Variants in SETX observed in about 807,000 individuals in gnomAD.
SETX encodes the protein senataxin.
SETX carries 90 observed loss-of-function variants against 227.2 expected under a neutral mutation model. The observed-to-expected ratio is 0.40, with a 90% confidence interval of 0.33 to 0.47. SETX has a LOEUF of 0.47. Among genes scored for constraint, SETX ranks in the 20% least tolerant of loss-of-function variants. The pLI is 0.91. For synonymous variants in SETX, 1,210 were observed against 1,113.2 expected (o/e 1.09, Z -1.73); for missense variants, 3,052 against 3,181.5 (o/e 0.96, Z 0.98).
rs755313211 is a variant in SETX, at chr9:132,264,816, G to A, written c.7457C>T (p.Pro2486Leu). 2 of 1,614,168 alleles carry A rather than the reference G, an allele frequency of 1.2e-6. No individual in the cohort carries two copies. Among genetic ancestry groups the A allele is most frequent in the South Asian group, 2.2e-5 (2 of 91,084 alleles). ...CTTGCTGCTGGGCAAACCACCCTGG[G>A]GTCTGGACCCCTCTGGGGCTATGGT... is the stretch of plus-strand genomic sequence containing the variant. The part of the protein sequence containing the change: ...PPTIAPEGSR[P>L]QGGLPSSKLD... The change falls in exon 26 of 26, where the codon CCC becomes CTC. Residue 2486 changes from proline (P) to leucine (L), a missense_variant. Physicochemically the swap from Pro to Leu is moderately conservative, Grantham distance 98 (BLOSUM62 -3). This residue lies in a region of SETX where 294 missense variants were observed against 278.8 expected (regional missense o/e 1.05). Transcript: ENST00000224140.
upstream of SETX, among the ~76,000 whole-genome samples, chr9:132,355,685 A>T (rs902606883): frequency 1.3e-5 from 2 of 152,022 alleles, no homozygotes; most frequent in African/African-American, 2.4e-5. Context: ...TACAAAAAAA[A>T]ATTAAAACTC....
At chr9:132,351,787 T>C (rs1848617684) in intron 2 of SETX, among the ~76,000 whole-genome samples, 1 of 152,242 alleles carries the variant, frequency 6.6e-6, no homozygotes, top group African/African-American at 2.4e-5. Context: ...TCAGTTCTTC[T>C]TGAGGTCTAT....
At chr9:132,319,931 G>T (rs1846216449) in intron 10 of SETX, among the ~76,000 whole-genome samples, 1 of 152,104 alleles carries the variant, frequency 6.6e-6, no homozygotes, top group Non-Finnish European at 1.5e-5. Flanking sequence ...CCTCTACACA[G>T]GAGAGGCAAC....
At chr9:132,344,323 C>T (rs969427433) in intron 4 of SETX, among the ~76,000 whole-genome samples, 4 of 152,150 alleles carry the variant, frequency 2.6e-5, no homozygotes, top group Non-Finnish European at 4.4e-5. Flanking sequence ...GAATGATCCT[C>T]CCACCTCAGC....
Position 132,331,415 on chromosome 9 carries a change from T to C in SETX, c.872A>G (p.His291Arg). ...GCGATCCAGAATCACCATAAAACAGTGTAACGCTGGCCAGAAAGGATCCAC... is the reference window on the plus strand; with the variant it reads ...GCGATCCAGAATCACCATAAAACAGCGTAACGCTGGCCAGAAAGGATCCAC... ...DSVDPFWPAL[H>R]CFMVILDRLG... The change falls in exon 8 of 26, where the codon CAC becomes CGC. Residue 291 changes from histidine to arginine, a missense_variant. Coordinates refer to ENST00000224140, the MANE Select transcript of SETX (RefSeq NM_015046.7). 6.2e-7 allele frequency: 1 copy of C among 1,613,758 alleles called. No homozygotes were observed.
rs113391453 is a variant in SETX, at chr9:132,285,448, G to A, written c.6396+975C>T. On this transcript the variant is annotated intron_variant, in intron 18 of 25. Coordinates refer to ENST00000224140, the MANE Select transcript of SETX (RefSeq NM_015046.7). ...TTTCATAACAATTTAAAATGTAACT[G>A]AGAAAAGCCCATAGCTGGCCAGGCA... is the stretch of plus-strand genomic sequence containing the variant. Among the ~76,000 whole-genome samples, 248 of 152,234 alleles carry A rather than the reference G, an allele frequency of 1.6e-3. 1 individual carries two copies. Among genetic ancestry groups the A allele is most frequent in the African/African-American group, 5.5e-3 (230 of 41,556 alleles).
intron 10 of SETX, among the ~76,000 whole-genome samples, chr9:132,312,812 C>T (rs939859698): frequency 6.6e-6 from 1 of 152,222 alleles, no homozygotes; most frequent in African/African-American, 2.4e-5. Context: ...GCATTATTTA[C>T]AATCACCAAA....
chr9:132,323,308 G>C (rs528715301), intron 10 of SETX, among the ~76,000 whole-genome samples: 1 of 152,246 alleles, frequency 6.6e-6, no homozygotes, highest in East Asian at 1.9e-4. Flanking sequence ...CATTAATTTA[G>C]TGATAAGTAG....
At chr9:132,332,918 G>GAAA (rs1311545099) in intron 7 of SETX, among the ~76,000 whole-genome samples, 1 of 100,678 alleles carries the variant, frequency 9.9e-6, no homozygotes. Context: ...TGTCTCAAAA[G>GAAA]AAAAAAAAAA....
intron 10 of SETX, among the ~76,000 whole-genome samples, chr9:132,322,869 C>T (rs1276679396): frequency 6.6e-6 from 1 of 151,672 alleles, no homozygotes; most frequent in Non-Finnish European, 1.5e-5. Flanking sequence ...ATAAAAAATA[C>T]CACATCCATG....
At chr9:132,345,185 G>A (rs1051996943) in intron 4 of SETX, among the ~76,000 whole-genome samples, 3 of 152,176 alleles carry the variant, frequency 2.0e-5, no homozygotes, top group African/African-American at 7.2e-5. Flanking sequence ...TACAATGGAC[G>A]GCACAGCCCA....
chr9:132,273,780 C>T lies in SETX; in HGVS notation c.7100+1476G>A, dbSNP rs190986595. 1.0e-3 allele frequency among the ~76,000 whole-genome samples: 157 copies of T among 151,936 alleles called. No homozygotes were observed. In the Middle Eastern group the frequency reaches 0.014, roughly 13 times the overall value. On this transcript the variant is annotated intron_variant, in intron 23 of 25. Coordinates refer to ENST00000224140, the MANE Select transcript of SETX (RefSeq NM_015046.7). ...TACTTTTTTCTTTCCAGTAAAGATG[C>T]TTTTTATTTATTTTCCTTACTTAAC...
Position 132,343,046 on chromosome 9 carries a change from G to A in SETX, c.389-247C>T, listed in dbSNP as rs570365753. 8.6e-5 allele frequency among the ~76,000 whole-genome samples: 13 copies of A among 151,904 alleles called. No individual in the cohort carries two copies. In the South Asian group the frequency reaches 1.9e-3, roughly 22 times the overall value. The stretch of plus-strand genomic sequence containing the variant: ...AGAATAGATCCCTTTTTTGCCGGGC[G>A]CGGTGGCTCACACCTGTAATCCCAG... On this transcript the variant is annotated intron_variant, in intron 4 of 25. Transcript: ENST00000224140.
intron 20 of SETX, 67 bp downstream of exon 20, chr9:132,281,400 C>T (rs1843492461): frequency 9.1e-7 from 1 of 1,103,406 alleles, no homozygotes; most frequent in Non-Finnish European, 1.4e-6. Flanking sequence ...GATGTCTCTC[C>T]CTCCTGAAAA....
chr9:132,277,786 C>T (rs1358981073), intron 21 of SETX, among the ~76,000 whole-genome samples: 2 of 60,250 alleles, frequency 3.3e-5, no homozygotes, highest in Admixed American at 2.7e-4. Context: ...GAGACCCTGT[C>T]TTCAAAAAAA....
At chr9:132,277,980 G>A (rs1843260868) in intron 21 of SETX, 90 bp downstream of exon 21, 13 of 1,262,070 alleles carry the variant, frequency 1.0e-5, no homozygotes, top group Non-Finnish European at 1.2e-5. Flanking sequence ...TGCTTTTTAT[G>A]ACAAGACCTA....
intron 4 of SETX, 139 bp downstream of exon 4, chr9:132,346,122 G>A (rs1160507881): frequency 7.0e-6 from 5 of 712,594 alleles, no homozygotes; most frequent in East Asian, 2.7e-5. Context: ...AATAAAAAAC[G>A]TTGGAAAAAA....
At chr9:132,281,401 CT>C (rs1843492907) in intron 20 of SETX, 65 bp downstream of exon 20, 3 of 1,145,388 alleles carry the variant, frequency 2.6e-6, no homozygotes, top group Non-Finnish European at 2.6e-6. Flanking sequence ...ATGTCTCTCC[CT>C]CCTGAAAACA....
In SETX at chr9:132,329,727, C is replaced by G. The variant is rs1428362533; in HGVS notation, c.1871G>C (p.Ser624Thr). Residue 624 changes from serine to threonine, a missense_variant, in exon 10 of 26, where the codon AGT becomes ACT. By Grantham distance (58) the Ser-to-Thr change is moderately conservative (BLOSUM62 1). Around this residue, in one of 10 missense-constraint regions of SETX, gnomAD observed 1,483 missense variants for 1,312.0 expected, o/e 1.13. Coordinates refer to ENST00000224140, the MANE Select transcript of SETX (RefSeq NM_015046.7). Reference protein sequence around the residue: ...ISPASYNKEESEQMGKTSRKD... With the variant: ...ISPASYNKEETEQMGKTSRKD... ...TCTAGACGTCTTCCCCATTTGTTCACTTTCTTCTTTATTATAAGATGCAGG... is the reference window on the plus strand; with the variant it reads ...TCTAGACGTCTTCCCCATTTGTTCAGTTTCTTCTTTATTATAAGATGCAGG... The G allele has an allele frequency of 1.2e-6, 2 of 1,613,964 alleles. No individual in the cohort carries two copies. The highest frequency in any genetic ancestry group is 2.2e-5 in the East Asian group (1 of 44,892).
Sources: gnomAD v4.1 joint callset for allele counts (sites outside exome capture counted in the v4.1 genomes callset) on GRCh38, gnomAD v4.1.1 for gene constraint, gnomAD v4.1.1 regional missense constraint, MANE v1.5 for transcripts, NCBI Gene and HGNC (gene_info 2026-07-23, HGNC 2026-07-21) for gene names.